Variants in ZNF827 observed in about 807,000 individuals in gnomAD.
The protein encoded by ZNF827 is zinc finger protein 827.
ZNF827 carries 13 observed loss-of-function variants against 102.4 expected under a neutral mutation model. The ratio of observed to expected loss-of-function variants is 0.13; its 90% CI spans 0.08 to 0.20. The LOEUF (loss-of-function observed/expected upper bound fraction) is 0.20. Ranked by LOEUF, ZNF827 falls within the 10% of genes least tolerant of loss-of-function variation. The probability of loss-of-function intolerance (pLI) is 1.00; values close to 1 mark genes in which losing one functional copy is unlikely to be tolerated. For synonymous variants in ZNF827, 523 were observed against 536.2 expected, an observed-to-expected ratio of 0.98 and a Z score of 0.34; for missense variants, 1,103 against 1,344.4, an observed-to-expected ratio of 0.82 and a Z score of 2.81.
intron 8 of ZNF827, among the ~76,000 whole-genome samples, chr4:145,792,445 T>C (rs777448436): frequency 6.6e-6 from 1 of 152,168 alleles, no homozygotes; most frequent in Non-Finnish European, 1.5e-5. Context: ...TCTAAGCTAC[T>C]TCTGTTTGTC....
chr4:145,795,636 C>T (rs998083762), intron 8 of ZNF827, among the ~76,000 whole-genome samples: 2 of 152,228 alleles, frequency 1.3e-5, no homozygotes, highest in African/African-American at 4.8e-5. Context: ...TGTTGGATCT[C>T]ACTGCATGAA....
At chr4:145,789,645 G>A (rs950798678) in intron 8 of ZNF827, among the ~76,000 whole-genome samples, 4 of 152,072 alleles carry the variant, frequency 2.6e-5, no homozygotes, top group Non-Finnish European at 4.4e-5. Context: ...TCCCAAACCC[G>A]AATCTGTCTG....
intron 11 of ZNF827, among the ~76,000 whole-genome samples, chr4:145,773,462 C>T (rs140292184): frequency 6.1e-4 from 93 of 152,306 alleles, no homozygotes; most frequent in African/African-American, 2.0e-3. Context: ...TTCCCCTTCC[C>T]GAATCCTTCA....
rs183862487 is a variant in ZNF827 at position 145,821,750 on chromosome 4, T to C, written c.2383+1672A>G. ...CCAAATAAGAGTTAAGCTTTTAAAG[T>C]GTGAGTTCATCTAATGTCTAACGTA... On this transcript the variant is annotated intron_variant, in intron 8 of 14. Transcript: ENST00000508784. Among the ~76,000 whole-genome samples the C allele has an allele frequency of 4.2e-3, 642 of 152,296 alleles. 18 individuals are homozygous for C. The highest frequency in any genetic ancestry group is 0.038 in the Admixed American group (577 of 15,294).
chr4:145,911,224 C>T (rs563123761), intron 1 of ZNF827, among the ~76,000 whole-genome samples: 13 of 152,176 alleles, frequency 8.5e-5, no homozygotes, highest in Non-Finnish European at 1.3e-4. Context: ...GTATTAAAGT[C>T]GCCGCCCCCT....
In ZNF827 at chr4:145,765,494, G is replaced by C. The variant is rs536222642; in HGVS notation, c.3052+53C>G. ...CTGTGCAGGGCTTATTCTCAAGAAT[G>C]GGTCATCCTGGGTGCGGAGGGTTGA... On this transcript the variant is annotated intron_variant, in intron 12 of 14. Coordinates refer to ENST00000508784, the MANE Select transcript of ZNF827 (RefSeq NM_001306215.2). The surrounding 1 kb of genome is among the most constrained non-coding windows in gnomAD (Gnocchi z 4.7). 1 of 1,547,600 alleles carries C rather than the reference G, an allele frequency of 6.5e-7. No individual in the cohort carries two copies. Among genetic ancestry groups the C allele is most frequent in the African/African-American group, 1.4e-5 (1 of 73,014 alleles).
intron 1 of ZNF827, among the ~76,000 whole-genome samples, chr4:145,926,874 G>A (rs901051659): frequency 7.3e-5 from 11 of 151,174 alleles, no homozygotes; most frequent in Non-Finnish European, 1.6e-4. Flanking sequence ...GTAGCCATTT[G>A]TGCACAGCAC....
rs1392046428 is a variant in ZNF827 at position 145,884,526 on chromosome 4, C to A, written c.1747+1152G>T. Among the ~76,000 whole-genome samples the A allele has an allele frequency of 2.0e-5, 3 of 152,126 alleles. No homozygotes were observed. The East Asian group carries it at 5.8e-4, about 29-fold the overall frequency. Reference sequence around the variant, plus strand: ...CTTCCATCTTCACTGAAATACAGAACCAATTCTCCACCGACCTTTCCCCAC... The same window carrying A: ...CTTCCATCTTCACTGAAATACAGAAACAATTCTCCACCGACCTTTCCCCAC... On this transcript the variant is annotated intron_variant, in intron 4 of 14. Transcript: ENST00000508784.
chr4:145,854,170 A>G (rs866294273), intron 5 of ZNF827, among the ~76,000 whole-genome samples: 8 of 152,090 alleles, frequency 5.3e-5, no homozygotes, highest in Middle Eastern at 3.4e-3. Context: ...ACTAGGAGTA[A>G]GGAAACTACC....
At chr4:145,857,544 C>T (rs1310689513) in intron 5 of ZNF827, among the ~76,000 whole-genome samples, 1 of 152,218 alleles carries the variant, frequency 6.6e-6, no homozygotes, top group African/African-American at 2.4e-5. Context: ...AGTATGCCCA[C>T]ACCTGCAGTA....
At chr4:145,913,423 C>T (rs1352257324) in intron 1 of ZNF827, among the ~76,000 whole-genome samples, 1 of 57,432 alleles carries the variant, frequency 1.7e-5, no homozygotes, top group Non-Finnish European at 2.7e-5. Context: ...GAGACCCTGT[C>T]TCAAAAAAAA....
At chr4:145,817,873 TCTAA>T (rs201818949) in intron 8 of ZNF827, among the ~76,000 whole-genome samples, 1,927 of 152,314 alleles carry the variant, frequency 0.013, 47 homozygotes, top group African/African-American at 0.045. Flanking sequence ...ACATATTTTA[TCTAA>T]CTGAGAGTTT....
chr4:145,902,566 A>G lies in ZNF827; in HGVS notation c.693T>C (p.Thr231=). 1 of 1,614,062 alleles carries G rather than the reference A, an allele frequency of 6.2e-7. No individual in the cohort carries two copies. The highest frequency in any genetic ancestry group is 8.5e-7 in the Non-Finnish European group (1 of 1,179,922). ...AGGACTCAAATCGCATGGTCTCCTC[A>G]GTCCTGGTGAGAGATTTGTCCTGCA... ...AVLQDKSLTR[T]EETMRFESFS... Residue 231 remains threonine (T), a synonymous_variant, in exon 2 of 15, where the codon ACT becomes ACC. Transcript: ENST00000508784. This position sits in a 1 kb window ranked among gnomAD's most constrained non-coding sequence, Gnocchi z 4.3.
At chr4:145,909,490 T>A (rs1473167150) in intron 1 of ZNF827, among the ~76,000 whole-genome samples, 1 of 152,130 alleles carries the variant, frequency 6.6e-6, no homozygotes, top group Non-Finnish European at 1.5e-5. Context: ...CGGTTCTGGG[T>A]TTTCACTCTC....
At chr4:145,904,697 T>C (rs1751692527) in intron 1 of ZNF827, among the ~76,000 whole-genome samples, 1 of 152,166 alleles carries the variant, frequency 6.6e-6, no homozygotes, top group South Asian at 2.1e-4. Context: ...TTGGCATGTG[T>C]ATGAGAGTGT....
intron 7 of ZNF827, among the ~76,000 whole-genome samples, chr4:145,835,495 G>A (rs1408393693): frequency 2.0e-5 from 3 of 150,534 alleles, no homozygotes; most frequent in Admixed American, 6.6e-5. Context: ...CACCTGCCCA[G>A]TTCCCTTATT....
intron 4 of ZNF827, among the ~76,000 whole-genome samples, chr4:145,881,083 A>G (rs1749620948): frequency 6.6e-6 from 1 of 152,274 alleles, no homozygotes; most frequent in Non-Finnish European, 1.5e-5. Flanking sequence ...TTGTAAATGC[A>G]GAGGCTTAAA....
intron 6 of ZNF827, among the ~76,000 whole-genome samples, chr4:145,846,442 C>A (rs1432853567): frequency 2.0e-5 from 3 of 150,482 alleles, no homozygotes; most frequent in African/African-American, 4.9e-5. Flanking sequence ...CGCGCCACTA[C>A]ACTCCAGCCT....
chr4:145,874,817 TTGGTAATCAAGAGGC>T (rs1749013703), intron 4 of ZNF827, among the ~76,000 whole-genome samples: 1 of 152,202 alleles, frequency 6.6e-6, no homozygotes. Flanking sequence ...GAGAAAGCCC[TTGGTAATCAAGAGGC>T]CCCCTCTCTC....
Sources: gnomAD v4.1 joint callset for allele counts (sites outside exome capture counted in the v4.1 genomes callset) on GRCh38, gnomAD v4.1.1 for gene constraint, Gnocchi (gnomAD v3.1) non-coding constraint, MANE v1.5 for transcripts, NCBI Gene and HGNC (gene_info 2026-07-23, HGNC 2026-07-21) for gene names.